Variants in ALG12 observed in about 807,000 individuals in gnomAD.
ALG12 encodes the protein dol-P-Man:Man(7)GlcNAc(2)-PP-Dol alpha-1,6-mannosyltransferase.
A neutral mutation model predicts 46.0 loss-of-function variants in ALG12; 36 were observed. The ratio of observed to expected loss-of-function variants is 0.78; its 90% confidence interval spans 0.60 to 1.03. ALG12 has a LOEUF of 1.03. ALG12 is among the 50% of genes least tolerant of loss of function. The probability of loss-of-function intolerance (pLI) is 0.00; values close to 1 mark genes in which losing one functional copy is unlikely to be tolerated. For synonymous variants in ALG12, 326 were observed against 291.6 expected (o/e 1.12, Z -1.20); for missense variants, 599 against 633.5 (o/e 0.95, Z 0.58).
chr22:49,878,926 C>T, the ALG12 span, among the ~76,000 whole-genome samples: 1 of 151,750 alleles, frequency 6.6e-6, no homozygotes, highest in Non-Finnish European at 1.5e-5. Context: ...GGGCAGATCA[C>T]GAGGTCAAGA....
the ALG12 span, among the ~76,000 whole-genome samples, chr22:49,864,834 A>AG: frequency 6.1e-5 from 9 of 147,296 alleles, no homozygotes; most frequent in African/African-American, 2.4e-4. Context: ...AAAAAAAAAA[A>AG]AAAAAGCCCT....
chr22:49,862,639 ATTC>A, the ALG12 span, among the ~76,000 whole-genome samples: 10 of 120,382 alleles, frequency 8.3e-5, no homozygotes, highest in Admixed American at 8.3e-4. Flanking sequence ...CTACTTCCTT[ATTC>A]TTTGTTGTTT....
Position 49,902,322 on chromosome 22 carries a change from TAATGTGCAC to T in ALG12, c.*1507_*1515del. The T allele has an allele frequency of 8.1e-6, 1 of 123,558 alleles. No homozygotes were observed. The highest frequency in any genetic ancestry group is 1.6e-5 in the Non-Finnish European group (1 of 62,700). The allele number at this position is 123,558 out of a possible 1,614,324, so 7.7% of individuals were successfully genotyped here. A position where few individuals can be genotyped will look rare whatever the true frequency, so the allele number is the denominator to read the frequency against. On this transcript the variant is annotated 3_prime_UTR_variant, in exon 10 of 10. Transcript: ENST00000330817. The stretch of plus-strand genomic sequence containing the variant: ...GTGTGCACTGTGTGTGGATGCATGG[TAATGTGCAC>T]GTGTGCACTGTGTGTGGTGTGTATG...
In ALG12 at chr22:49,910,602, C is replaced by T. The variant is rs121907933; in HGVS notation, c.301G>A (p.Gly101Arg). The T allele has an allele frequency of 1.4e-5, 22 of 1,614,022 alleles. No individual in the cohort carries two copies. The highest frequency in any genetic ancestry group is 1.8e-5 in the Non-Finnish European group (21 of 1,180,052). The change falls in exon 4 of 10, where the codon GGA becomes AGA. Residue 101 changes from glycine to arginine, a missense_variant. Gly to Arg is a moderately radical substitution (Grantham distance 125). Coordinates refer to ENST00000330817, the MANE Select transcript of ALG12 (RefSeq NM_024105.4). ...SKFYSQLIVRGVLGLGVIFGL... is the reference protein window; with the variant it reads ...SKFYSQLIVRRVLGLGVIFGL... ...AAAATCACGCCGAGTCCAAGCACTC[C>T]TCTAACTAAACAAAGACAGTGACAG...
chr22:49,892,509 G>A, the ALG12 span, among the ~76,000 whole-genome samples: 1 of 152,224 alleles, frequency 6.6e-6, no homozygotes, highest in Non-Finnish European at 1.5e-5. Flanking sequence ...CCTATTCCTG[G>A]TTGCTGCTTG....
the ALG12 span, among the ~76,000 whole-genome samples, chr22:49,879,217 C>T: frequency 6.6e-6 from 1 of 150,812 alleles, no homozygotes; most frequent in African/African-American, 2.4e-5. Context: ...TTGCGCCTCC[C>T]GGGTTCAAGC....
chr22:49,891,402 ATTG>A, the ALG12 span, among the ~76,000 whole-genome samples: 2 of 152,158 alleles, frequency 1.3e-5, no homozygotes, highest in Admixed American at 6.5e-5. Context: ...GGTCTTGGCT[ATTG>A]TTCTGTTAAT....
At chr22:49,872,774 G>A in the ALG12 span, among the ~76,000 whole-genome samples, 6 of 151,568 alleles carry the variant, frequency 4.0e-5, no homozygotes, top group East Asian at 1.9e-4. Context: ...ACGTGATCGC[G>A]GCTCACTGCA....
the ALG12 span, among the ~76,000 whole-genome samples, chr22:49,869,951 T>A: frequency 6.6e-6 from 1 of 152,208 alleles, no homozygotes; most frequent in Non-Finnish European, 1.5e-5. Flanking sequence ...TTTTTCAGTC[T>A]TGTCCCCTCC....
At chr22:49,914,709 C>A (rs1021014784) in intron 1 of ALG12, among the ~76,000 whole-genome samples, 1 of 152,146 alleles carries the variant, frequency 6.6e-6, no homozygotes, top group Non-Finnish European at 1.5e-5. Flanking sequence ...AGAGAGAACC[C>A]CAGGGCTTAC....
intron 7 of ALG12, 70 bp downstream of exon 7, chr22:49,907,651 C>G (rs2060550140): frequency 1.3e-6 from 2 of 1,513,834 alleles, no homozygotes; most frequent in Non-Finnish European, 1.8e-6. Flanking sequence ...CATACATCCC[C>G]CCAACAGTAA....
At position 49,913,762 on chromosome 22, in the gene ALG12, C is replaced by A; in HGVS notation, c.4G>T (p.Ala2Ser). M[A>S]GKGSSGRRPL... Reference sequence around the variant, plus strand: ...CGCCTGCCTGATGACCCCTTTCCAGCCATTCCAGGCTTTCAGCTTCACGTA... The same window carrying A: ...CGCCTGCCTGATGACCCCTTTCCAGACATTCCAGGCTTTCAGCTTCACGTA... Residue 2 changes from alanine (A) to serine (S), a missense_variant, in exon 2 of 10, where the codon GCT becomes TCT. By Grantham distance (99) the Ala-to-Ser change is moderately conservative (BLOSUM62 1). Coordinates refer to ENST00000330817, the MANE Select transcript of ALG12 (RefSeq NM_024105.4). 5 of 1,613,438 alleles carry A rather than the reference C, an allele frequency of 3.1e-6. No homozygotes were observed. The highest frequency in any genetic ancestry group is 4.2e-6 in the Non-Finnish European group (5 of 1,180,040).
At chr22:49,907,577 G>T in intron 7 of ALG12, 144 bp downstream of exon 7, 1 of 928,374 alleles carries the variant, frequency 1.1e-6, no homozygotes, top group Non-Finnish European at 1.7e-6. Context: ...GAGTTGAGGG[G>T]TGCAGTAAGC....
chr22:49,884,235 A>G, the ALG12 span: 1,441,165 of 1,599,648 alleles, frequency 0.9, 649,702 homozygotes, highest in African/African-American at 0.98. Flanking sequence ...TGCTTCCACC[A>G]CAGCCTGCGG....
At position 49,903,929 on chromosome 22, in the gene ALG12, C is replaced by A. The variant is rs1052092274; in HGVS notation, c.1376G>T (p.Gly459Val). The A allele has an allele frequency of 6.2e-7, 1 of 1,614,258 alleles. No individual in the cohort carries two copies. Residue 459 changes from glycine (G) to valine (V), a missense_variant, in exon 10 of 10, where the codon GGT (glycine) becomes GTT (valine). By Grantham distance (109) the Gly-to-Val change is moderately radical. Coordinates refer to ENST00000330817, the MANE Select transcript of ALG12 (RefSeq NM_024105.4). ...RVLASVVGTT[G>V]VSLNLTQLPP... is the part of the protein sequence containing the mutation. ...CAGTTGGGTCAGGTTCAGACTCACA[C>A]CTGTGGTCCCCACGACGCTGGCCAG... is the stretch of plus-strand genomic sequence containing the variant.
At chr22:49,875,418 C>CTTTT in the ALG12 span, among the ~76,000 whole-genome samples, 3 of 145,236 alleles carry the variant, frequency 2.1e-5, no homozygotes, top group Non-Finnish European at 4.5e-5. Context: ...AATTTATTTT[C>CTTTT]TTTTTTTTTT....
At position 49,902,394 on chromosome 22, in the gene ALG12, T is replaced by C; in HGVS notation, c.*1444A>G. 1 of 126,522 alleles carries C rather than the reference T, an allele frequency of 7.9e-6. No individual in the cohort carries two copies. The highest frequency in any genetic ancestry group is 7.7e-5 in the Admixed American group (1 of 13,028). The allele number at this position is 126,522 out of a possible 1,614,324, so 7.8% of individuals were successfully genotyped here. ...ACGTGTGCACGGTGTGTGGTGTGTA[T>C]GCATGGTGTGTGCACATGTGCACTG... is the stretch of plus-strand genomic sequence containing the variant. On this transcript the variant is annotated 3_prime_UTR_variant, in exon 10 of 10. Coordinates refer to ENST00000330817, the MANE Select transcript of ALG12 (RefSeq NM_024105.4).
chr22:49,874,066 C>T, the ALG12 span, among the ~76,000 whole-genome samples: 11 of 152,250 alleles, frequency 7.2e-5, no homozygotes, highest in Non-Finnish European at 1.3e-4. Flanking sequence ...AGAGGCCTTA[C>T]AACCTTTATG....
chr22:49,912,117 C>CA (rs1054497846), intron 3 of ALG12, among the ~76,000 whole-genome samples: 3 of 134,418 alleles, frequency 2.2e-5, no homozygotes, highest in Admixed American at 7.1e-5. Context: ...GCCCCGGGAT[C>CA]AGCCTGGCCC....
Sources: gnomAD v4.1 joint callset for allele counts (sites outside exome capture counted in the v4.1 genomes callset) on GRCh38, gnomAD v4.1.1 for gene constraint, MANE v1.5 for transcripts, NCBI Gene and HGNC (gene_info 2026-07-23, HGNC 2026-07-21) for gene names.